The following STRN3 variants were observed in gnomAD, a reference collection of about 807,000 sequenced individuals.
STRN3 encodes striatin 3, also known as striatin-3.
In STRN3, 29 loss-of-function variants were observed where a neutral mutation model predicts 95.6. The observed-to-expected ratio is 0.30, with a 90% CI of 0.23 to 0.41. The LOEUF is 0.41. Ranked by LOEUF, STRN3 falls within the 10% of genes least tolerant of loss-of-function variation. STRN3 has a pLI of 1.00. For synonymous variants in STRN3, 331 were observed against 357.6 expected, an observed-to-expected ratio of 0.93 and a Z score of 0.84; for missense variants, 890 against 972.1, an observed-to-expected ratio of 0.92 and a Z score of 1.12.
At chr14:30,934,094 G>A (rs1878694988) in intron 7 of STRN3, among the ~76,000 whole-genome samples, 1 of 152,220 alleles carries the variant, frequency 6.6e-6, no homozygotes, top group South Asian at 2.1e-4. Flanking sequence ...GGGAGGCCAA[G>A]GCGGGCGGAT....
At position 30,913,445 on chromosome 14, in the gene STRN3, TTC is replaced by T. The variant is rs559673615; in HGVS notation, c.1374+77_1374+78del. ...TCTTTTCCATGCACCTTGATATTAATTCTGTTTTATAAGTGATTCCAAAAAAT... is the reference window on the plus strand; with the variant it reads ...TCTTTTCCATGCACCTTGATATTAATTGTTTTATAAGTGATTCCAAAAAAT... On this transcript the variant is annotated intron_variant, in intron 10 of 17. Coordinates refer to ENST00000357479, the MANE Select transcript of STRN3 (RefSeq NM_001083893.2). The T allele has an allele frequency of 2.2e-4, 308 of 1,375,580 alleles. 1 individual carries two copies. The highest frequency in any genetic ancestry group is 1.2e-3 in the African/African-American group (80 of 68,724). The allele number at this position is 1,375,580 out of a possible 1,614,324, so 85.2% of individuals were successfully genotyped here. A position where few individuals can be genotyped will look rare whatever the true frequency, so the allele number is the denominator to read the frequency against.
intron 16 of STRN3, among the ~76,000 whole-genome samples, chr14:30,896,118 G>T (rs1896141198): frequency 6.6e-6 from 1 of 152,116 alleles, no homozygotes; most frequent in Non-Finnish European, 1.5e-5. Context: ...CATACAATAC[G>T]TGGCTTTTTG....
At chr14:31,025,326 GGAAAT>G (rs1883760010) in intron 1 of STRN3, 1 of 155,450 alleles carries the variant, frequency 6.4e-6, no homozygotes, top group Non-Finnish European at 1.4e-5. Flanking sequence ...GTTGACGATG[GGAAAT>G]AAAACTTCAC....
At chr14:31,012,894 CAAA>C (rs58755942) in intron 1 of STRN3, among the ~76,000 whole-genome samples, 5 of 79,118 alleles carry the variant, frequency 6.3e-5, no homozygotes, top group Non-Finnish European at 1.1e-4. Flanking sequence ...AACTCCGTCT[CAAA>C]AAAAAAAAAA....
At chr14:30,898,260 A>G (rs1217772217) in intron 16 of STRN3, among the ~76,000 whole-genome samples, 6 of 152,166 alleles carry the variant, frequency 3.9e-5, no homozygotes, top group Admixed American at 3.9e-4. Context: ...TACAGGCATG[A>G]CCCATCACAC....
At chr14:31,025,725 G>T in intron 1 of STRN3, 179 bp downstream of exon 1, 1 of 862,210 alleles carries the variant, frequency 1.2e-6, no homozygotes, top group South Asian at 1.8e-5. Context: ...GCTTATGCGG[G>T]AAAGAGGGAG....
At chr14:31,021,600 A>C (rs1238628968) in intron 1 of STRN3, among the ~76,000 whole-genome samples, 6 of 152,230 alleles carry the variant, frequency 3.9e-5, no homozygotes, top group Non-Finnish European at 8.8e-5. Flanking sequence ...CCAGAACCCC[A>C]CATAATAACA....
intron 8 of STRN3, among the ~76,000 whole-genome samples, chr14:30,928,510 C>T (rs1878305974): frequency 6.6e-6 from 1 of 152,068 alleles, no homozygotes; most frequent in Admixed American, 6.6e-5. Flanking sequence ...GTTTGCTTCA[C>T]CAAATGGAAA....
intron 9 of STRN3, among the ~76,000 whole-genome samples, chr14:30,917,575 C>T (rs1896773008): frequency 6.6e-6 from 1 of 150,750 alleles, no homozygotes. Context: ...AAAGGAGTTG[C>T]TATGTGTATT....
At chr14:30,953,949 T>C (rs1879778708) in intron 3 of STRN3, among the ~76,000 whole-genome samples, 1 of 152,158 alleles carries the variant, frequency 6.6e-6, no homozygotes, top group Admixed American at 6.5e-5. Flanking sequence ...ATATCCTCTT[T>C]AATAATAGTC....
intron 1 of STRN3, among the ~76,000 whole-genome samples, chr14:30,966,677 G>A (rs1184241399): frequency 6.6e-6 from 1 of 152,190 alleles, no homozygotes; most frequent in East Asian, 1.9e-4. Flanking sequence ...ATTCTGGAGG[G>A]CTAAATGTGT....
chr14:30,912,915 G>A (rs1433773510), intron 10 of STRN3, among the ~76,000 whole-genome samples: 1 of 151,996 alleles, frequency 6.6e-6, no homozygotes, highest in Non-Finnish European at 1.5e-5. Context: ...AAAAATTGCT[G>A]AAAAACTGCA....
At position 30,949,665 on chromosome 14, in the gene STRN3, T is replaced by C. The variant is rs117188066; in HGVS notation, c.542+1198A>G. The stretch of plus-strand genomic sequence containing the variant: ...TGCCACTGCACTCCGGCCTGGGTGA[T>C]AGACATAGACTCCGTTTCCAAAAAA... On this transcript the variant is annotated intron_variant, in intron 4 of 17. Transcript: ENST00000357479. 1.9e-3 allele frequency among the ~76,000 whole-genome samples: 274 copies of C among 145,618 alleles called. 5 individuals carry two copies. The East Asian group carries it at 0.033, about 17-fold the overall frequency.
At chr14:30,949,409 A>G (rs541356928) in intron 4 of STRN3, among the ~76,000 whole-genome samples, 25 of 152,318 alleles carry the variant, frequency 1.6e-4, no homozygotes, top group African/African-American at 6.0e-4. Context: ...TCAGGAGATC[A>G]AGACCATCTT....
rs1880737667 is a variant in STRN3, at chr14:30,969,896, C to T, written c.283-13654G>A. 2.0e-5 allele frequency among the ~76,000 whole-genome samples: 3 copies of T among 152,230 alleles called. No homozygotes were observed. The South Asian group carries it at 6.2e-4, about 32-fold the overall frequency. On this transcript the variant is annotated intron_variant, in intron 1 of 17. Transcript: ENST00000357479. ...GTGGAAAGAAAAAAACTCGAGCCAGCATGGGAAGGACCCTACCTTGTGCTG... is the reference window on the plus strand; with the variant it reads ...GTGGAAAGAAAAAAACTCGAGCCAGTATGGGAAGGACCCTACCTTGTGCTG...
intron 5 of STRN3, among the ~76,000 whole-genome samples, chr14:30,940,769 TTTG>T (rs1324558873): frequency 1.3e-5 from 2 of 152,192 alleles, no homozygotes; most frequent in Non-Finnish European, 2.9e-5. Context: ...CAACACTTGA[TTTG>T]TTTTCTCTTT....
chr14:31,011,947 T>C (rs1566491838), intron 1 of STRN3, among the ~76,000 whole-genome samples: 1 of 152,244 alleles, frequency 6.6e-6, no homozygotes, highest in East Asian at 1.9e-4. Context: ...TTGGGCATGG[T>C]GGCAGGCGCC....
intron 8 of STRN3, among the ~76,000 whole-genome samples, chr14:30,921,125 T>C (rs1272799269): frequency 1.3e-5 from 2 of 149,958 alleles, no homozygotes; most frequent in Non-Finnish European, 3.0e-5. Context: ...TCTTCTAACA[T>C]GCACCTCAGC....
chr14:31,011,618 G>A (rs376915940), intron 1 of STRN3, among the ~76,000 whole-genome samples: 2 of 152,134 alleles, frequency 1.3e-5, no homozygotes, highest in Non-Finnish European at 2.9e-5. Flanking sequence ...ACTCCAGCCT[G>A]GGCGACAGAG....
Sources: gnomAD v4.1 joint callset for allele counts (sites outside exome capture counted in the v4.1 genomes callset) on GRCh38, gnomAD v4.1.1 for gene constraint, MANE v1.5 for transcripts, NCBI Gene and HGNC (gene_info 2026-07-23, HGNC 2026-07-21) for gene names.